Variants in DISC1 observed in about 807,000 individuals in gnomAD.
DISC1 encodes the protein disrupted in schizophrenia 1 protein.
In DISC1, 57 loss-of-function variants were observed where a neutral mutation model predicts 84.5. The ratio of observed to expected loss-of-function variants is 0.67; its 90% CI spans 0.55 to 0.84. The LOEUF (loss-of-function observed/expected upper bound fraction) is 0.84, where lower values mean the gene tolerates loss of function less well. DISC1 is among the 40% of genes least tolerant of loss of function. The probability of loss-of-function intolerance (pLI) is 0.00; values close to 1 mark genes in which losing one functional copy is unlikely to be tolerated. For synonymous variants in DISC1, 411 were observed against 415.2 expected (o/e 0.99, Z 0.12); for missense variants, 1,000 against 1,057.8 (o/e 0.95, Z 0.76).
intron 12 of DISC1, among the ~76,000 whole-genome samples, chr1:232,034,221 T>G (rs1420887684): frequency 1.3e-5 from 2 of 152,190 alleles, no homozygotes; most frequent in African/African-American, 2.4e-5. Flanking sequence ...TGACAGAGCC[T>G]AAGGTATTTG....
chr1:231,808,029 G>A (rs2079892032), intron 8 of DISC1, among the ~76,000 whole-genome samples: 2 of 152,116 alleles, frequency 1.3e-5, no homozygotes, highest in African/African-American at 4.8e-5. Flanking sequence ...GACTTCCAAT[G>A]TATGGCCCTG....
At chr1:231,931,324 G>C (rs2090640561) in intron 9 of DISC1, among the ~76,000 whole-genome samples, 1 of 152,168 alleles carries the variant, frequency 6.6e-6, no homozygotes, top group South Asian at 2.1e-4. Flanking sequence ...CTAACCTTAG[G>C]TGGATGTATG....
chr1:231,832,722 G>T (rs1465023530), intron 9 of DISC1, among the ~76,000 whole-genome samples: 5 of 146,728 alleles, frequency 3.4e-5, no homozygotes, highest in Non-Finnish European at 7.5e-5. Flanking sequence ...GGCTGTGGAG[G>T]GAGGTATTGA....
At chr1:231,688,546 G>A (rs1489368489) in intron 1 of DISC1, among the ~76,000 whole-genome samples, 2 of 152,196 alleles carry the variant, frequency 1.3e-5, no homozygotes, top group Non-Finnish European at 1.5e-5. Flanking sequence ...ATCCGATGAG[G>A]TGGTTTTATG....
intron 10 of DISC1, among the ~76,000 whole-genome samples, chr1:231,970,542 G>T (rs1661798871): frequency 6.6e-6 from 1 of 152,158 alleles, no homozygotes; most frequent in Non-Finnish European, 1.5e-5. Context: ...CTACAAGGAT[G>T]GAATCCATGG....
intron 1 of DISC1, among the ~76,000 whole-genome samples, chr1:231,688,663 A>G (rs1438085396): frequency 1.3e-5 from 2 of 152,122 alleles, no homozygotes; most frequent in Non-Finnish European, 2.9e-5. Context: ...TCCTTCCTCC[A>G]TGATTGAAAG....
At chr1:231,959,001 C>A in intron 10 of DISC1, 113 bp downstream of exon 10, 1 of 1,460,914 alleles carries the variant, frequency 6.8e-7, no homozygotes, top group African/African-American at 1.4e-5. Flanking sequence ...AATAAATTAA[C>A]AAAGAAAGAC....
intron 10 of DISC1, among the ~76,000 whole-genome samples, chr1:232,002,652 T>C (rs1391893945): frequency 1.3e-5 from 2 of 150,372 alleles, no homozygotes; most frequent in South Asian, 2.1e-4. Context: ...AGCCAATCCC[T>C]TAAGGTATCT....
chr1:231,760,618 T>A (rs2075570378), intron 4 of DISC1, among the ~76,000 whole-genome samples: 1 of 152,200 alleles, frequency 6.6e-6, no homozygotes, highest in African/African-American at 2.4e-5. Flanking sequence ...CACAAAGCAA[T>A]TTTTCTGGTA....
At chr1:231,926,923 A>T (rs767413488) in intron 9 of DISC1, among the ~76,000 whole-genome samples, 1 of 152,164 alleles carries the variant, frequency 6.6e-6, no homozygotes, top group Non-Finnish European at 1.5e-5. Context: ...TGTCTTCATC[A>T]CTTCATGTAT....
rs1306966275 is a variant in DISC1, at chr1:232,031,041, A to C, written c.2425+4489A>C. On this transcript the variant is annotated intron_variant, in intron 12 of 12. Coordinates refer to ENST00000439617, the MANE Select transcript of DISC1 (RefSeq NM_018662.3). The surrounding 1 kb of genome is among the most constrained non-coding windows in gnomAD (Gnocchi z 4.6). ...AGAATTGCTTGAACCCAGGAGGTGG[A>C]GGTCGCAGTGAGCTGAGACTGCACA... Among the ~76,000 whole-genome samples, 1 of 151,928 alleles carries C rather than the reference A, an allele frequency of 6.6e-6. No individual in the cohort carries two copies. The highest frequency in any genetic ancestry group is 2.4e-5 in the African/African-American group (1 of 41,344).
chr1:231,957,283 C>T (rs1261358767), intron 9 of DISC1, among the ~76,000 whole-genome samples: 2 of 152,234 alleles, frequency 1.3e-5, no homozygotes, highest in African/African-American at 4.8e-5. Context: ...TTGATGCCCT[C>T]TTCCCTCCCT....
chr1:231,950,538 C>T (rs1165293759), intron 9 of DISC1, among the ~76,000 whole-genome samples: 1 of 152,112 alleles, frequency 6.6e-6, no homozygotes, highest in African/African-American at 2.4e-5. Flanking sequence ...GTGAAGTGAA[C>T]CTGCTTGGAA....
intron 6 of DISC1, among the ~76,000 whole-genome samples, chr1:231,775,826 CCAGTGAGCTTGGTTCTTCTCCCACACGA>C (rs2076922661): frequency 1.3e-5 from 2 of 152,050 alleles, no homozygotes; most frequent in African/African-American, 4.8e-5. Context: ...CCACTTTTAC[CCAGTGAGCTTGGTTCTTCTCCCACACGA>C]AACCCATGGT....
At chr1:231,873,113 A>G (rs2085587560) in intron 9 of DISC1, among the ~76,000 whole-genome samples, 1 of 152,204 alleles carries the variant, frequency 6.6e-6, no homozygotes, top group Admixed American at 6.5e-5. Flanking sequence ...TCCAGGGCCT[A>G]ATCTCACAAG....
intron 9 of DISC1, among the ~76,000 whole-genome samples, chr1:231,868,306 T>A (rs2085202983): frequency 6.6e-6 from 1 of 151,890 alleles, no homozygotes; most frequent in Non-Finnish European, 1.5e-5. Flanking sequence ...TGTCCTTAAC[T>A]CCTCTTTCCC....
intron 9 of DISC1, among the ~76,000 whole-genome samples, chr1:231,935,420 A>G (rs1329499814): frequency 1.3e-5 from 2 of 152,242 alleles, no homozygotes; most frequent in Non-Finnish European, 2.9e-5. Flanking sequence ...AGCAGGAAAG[A>G]TTACACTGAA....
chr1:231,835,287 A>G (rs1395663866), intron 9 of DISC1, among the ~76,000 whole-genome samples: 2 of 152,222 alleles, frequency 1.3e-5, no homozygotes, highest in African/African-American at 4.8e-5. Flanking sequence ...TGTGAGCAAC[A>G]AGGCTGTTTA....
chr1:231,973,658 A>G (rs937012939), intron 10 of DISC1, among the ~76,000 whole-genome samples: 4 of 152,214 alleles, frequency 2.6e-5, no homozygotes, highest in African/African-American at 9.6e-5. Flanking sequence ...ATCTGTATTC[A>G]CTGTGTGATC....
Sources: gnomAD v4.1 joint callset for allele counts (sites outside exome capture counted in the v4.1 genomes callset) on GRCh38, gnomAD v4.1.1 for gene constraint, Gnocchi (gnomAD v3.1) non-coding constraint, MANE v1.5 for transcripts, NCBI Gene and HGNC (gene_info 2026-07-23, HGNC 2026-07-21) for gene names.